Variants in AJAP1 observed in about 807,000 individuals in gnomAD.
AJAP1 encodes the protein adherens junction-associated protein 1.
In AJAP1, 5 loss-of-function variants were observed where a neutral mutation model predicts 35.0. That is an observed-to-expected ratio of 0.14 (90% confidence interval 0.07 to 0.30). The LOEUF (loss-of-function observed/expected upper bound fraction) is 0.30. Among genes scored for constraint, AJAP1 ranks in the 10% least tolerant of loss-of-function variants. The pLI, the probability that AJAP1 is intolerant of heterozygous loss-of-function variation, is 1.00. For missense variants in AJAP1, 586 were observed against 571.0 expected (o/e 1.03, Z -0.27); for synonymous variants, 284 against 249.3 (o/e 1.14, Z -1.31).
chr1:4,689,835 C>T (rs1333546628), intron 1 of AJAP1, among the ~76,000 whole-genome samples: 1 of 152,226 alleles, frequency 6.6e-6, no homozygotes, highest in African/African-American at 2.4e-5. Flanking sequence ...AGGCCGCCCC[C>T]TCTCGCGGAT....
chr1:4,704,157 G>GTTT (rs34590919), intron 1 of AJAP1, among the ~76,000 whole-genome samples: 26 of 145,314 alleles, frequency 1.8e-4, no homozygotes, highest in African/African-American at 4.8e-4. Context: ...AAACGGGGAA[G>GTTT]TTTTTTTTTT....
chr1:4,779,805 C>A (rs1642025131), intron 5 of AJAP1, among the ~76,000 whole-genome samples: 1 of 151,994 alleles, frequency 6.6e-6, no homozygotes, highest in Non-Finnish European at 1.5e-5. Context: ...TTTTTATCTC[C>A]CTTTTAAGAA....
At chr1:4,735,064 G>A (rs762337944) in intron 2 of AJAP1, among the ~76,000 whole-genome samples, 9 of 152,210 alleles carry the variant, frequency 5.9e-5, no homozygotes, top group East Asian at 1.9e-4. Context: ...CGTGCTTGGC[G>A]ACCCTTGAGG....
In AJAP1 at chr1:4,671,368, C is replaced by CAA. The variant is rs35552154; in HGVS notation, c.29+15929_29+15930dup. The stretch of plus-strand genomic sequence containing the variant: ...TGGGCAACAGAGCGAGACTCTGCCT[C>CAA]AAAAAAAAAAAAAAAAGAATGGCAG... On this transcript the variant is annotated intron_variant, in intron 1 of 5. Coordinates refer to ENST00000378191, the MANE Select transcript of AJAP1 (RefSeq NM_018836.4). 6.8e-4 allele frequency among the ~76,000 whole-genome samples: 87 copies of CAA among 128,684 alleles called. 1 individual carries two copies. The highest frequency in any genetic ancestry group is 3.9e-3 in the Middle Eastern group (1 of 254). 84.4% of individuals were successfully genotyped at this position (128,684 alleles called of 152,430 possible). A position where few individuals can be genotyped will look rare whatever the true frequency, so the allele number is the denominator to read the frequency against.
At chr1:4,687,390 G>A (rs114214789) in intron 1 of AJAP1, among the ~76,000 whole-genome samples, 1,684 of 152,228 alleles carry the variant, frequency 0.011, 30 homozygotes, top group African/African-American at 0.036. Flanking sequence ...ATGCTGGCAC[G>A]CCCTCCATCA....
intron 2 of AJAP1, among the ~76,000 whole-genome samples, chr1:4,719,708 G>A (rs1570153356): frequency 1.3e-5 from 2 of 152,268 alleles, no homozygotes; most frequent in East Asian, 1.9e-4. Flanking sequence ...CTCTAGCTCC[G>A]AATTGCCCTA....
chr1:4,771,810 CT>C (rs1480276211), intron 3 of AJAP1, among the ~76,000 whole-genome samples: 2 of 152,146 alleles, frequency 1.3e-5, no homozygotes, highest in African/African-American at 4.8e-5. Context: ...CACTCATCAG[CT>C]TTCCCCAAAG....
chr1:4,752,946 A>C (rs117348342), intron 2 of AJAP1, among the ~76,000 whole-genome samples: 123 of 151,984 alleles, frequency 8.1e-4, no homozygotes, highest in African/African-American at 2.9e-3. Context: ...CTTCCCGCCA[A>C]CCCTTCCTGG....
Position 4,758,412 on chromosome 1 carries a change from G to A in AJAP1, c.830-11441G>A, listed in dbSNP as rs1432793652. The stretch of plus-strand genomic sequence containing the variant: ...GTTTCATCAACTCACAGTTCTGCAT[G>A]GCTGGGGTGGCCTCAGGAAACTTAC... On this transcript the variant is annotated intron_variant, in intron 2 of 5. Coordinates refer to ENST00000378191, the MANE Select transcript of AJAP1 (RefSeq NM_018836.4). Among the ~76,000 whole-genome samples the A allele has an allele frequency of 3.3e-5, 5 of 152,166 alleles. No individual in the cohort carries two copies. The East Asian group carries it at 9.6e-4, about 29-fold the overall frequency.
At chr1:4,729,194 G>A (rs1640743363) in intron 2 of AJAP1, among the ~76,000 whole-genome samples, 1 of 152,204 alleles carries the variant, frequency 6.6e-6, no homozygotes, top group Admixed American at 6.5e-5. Flanking sequence ...GAATAAGCGG[G>A]CCCAGCCTCA....
intron 1 of AJAP1, among the ~76,000 whole-genome samples, chr1:4,704,085 A>T (rs1289079909): frequency 6.6e-6 from 1 of 151,544 alleles, no homozygotes; most frequent in Non-Finnish European, 1.5e-5. Flanking sequence ...CATCCACTGT[A>T]TTGTGGATAA....
chr1:4,778,976 C>G (rs1641993961), intron 5 of AJAP1, among the ~76,000 whole-genome samples: 1 of 152,204 alleles, frequency 6.6e-6, no homozygotes, highest in Admixed American at 6.5e-5. Context: ...GCAGGAGACC[C>G]CCGTTCTCAG....
chr1:4,680,192 C>A (rs901724664), intron 1 of AJAP1, among the ~76,000 whole-genome samples: 4 of 152,166 alleles, frequency 2.6e-5, no homozygotes, highest in Admixed American at 2.0e-4. Flanking sequence ...AAAGAGCAAT[C>A]AGCTTTACTC....
chr1:4,702,080 G>A (rs1640000883), intron 1 of AJAP1, among the ~76,000 whole-genome samples: 1 of 152,052 alleles, frequency 6.6e-6, no homozygotes, highest in Non-Finnish European at 1.5e-5. Flanking sequence ...TGTCCCCAGT[G>A]TTCTCATGTG....
At chr1:4,710,076 TCACA>T (rs1640193054) in intron 1 of AJAP1, among the ~76,000 whole-genome samples, 1 of 151,656 alleles carries the variant, frequency 6.6e-6, no homozygotes, top group African/African-American at 2.4e-5. Context: ...ATAGAGTCTC[TCACA>T]CAGACACTCA....
chr1:4,670,191 G>A (rs968377348), intron 1 of AJAP1, among the ~76,000 whole-genome samples: 11 of 152,084 alleles, frequency 7.2e-5, no homozygotes, highest in Non-Finnish European at 1.5e-4. Context: ...GCCTCTCTAT[G>A]CCTGTGCACC....
chr1:4,776,242 T>C (rs959109180), intron 5 of AJAP1, among the ~76,000 whole-genome samples: 4 of 151,892 alleles, frequency 2.6e-5, no homozygotes, highest in Non-Finnish European at 4.4e-5. Context: ...ACCGAGGCAG[T>C]GGGAGGTTAA....
chr1:4,711,606 C>A (rs375327950), intron 1 of AJAP1, among the ~76,000 whole-genome samples: 3 of 152,212 alleles, frequency 2.0e-5, no homozygotes, highest in African/African-American at 4.8e-5. Context: ...TTTTCGCTCG[C>A]GTGAAATGGA....
intron 2 of AJAP1, among the ~76,000 whole-genome samples, chr1:4,730,217 T>C (rs1209195116): frequency 6.6e-6 from 1 of 152,172 alleles, no homozygotes; most frequent in Non-Finnish European, 1.5e-5. Flanking sequence ...TAACATCCTA[T>C]TAGAGGAGGA....
Sources: allele counts gnomAD v4.1 joint callset (sites outside exome capture counted in the v4.1 genomes callset), GRCh38; gene constraint gnomAD v4.1.1; transcripts MANE v1.5; gene names NCBI Gene and HGNC (gene_info 2026-07-23, HGNC 2026-07-21).